Variants in IREB2 observed in about 807,000 individuals in gnomAD.
IREB2 encodes iron responsive element binding protein 2.
A neutral mutation model predicts 118.8 loss-of-function variants in IREB2; 39 were observed. The ratio of observed to expected loss-of-function variants is 0.33; its 90% confidence interval spans 0.25 to 0.43. IREB2 has a LOEUF of 0.43. Ranked by LOEUF, IREB2 falls within the 20% of genes least tolerant of loss-of-function variation. The pLI, the probability that IREB2 is intolerant of heterozygous loss-of-function variation, is 1.00. For missense variants in IREB2, 900 were observed against 1,147.3 expected (o/e 0.78, Z 3.11); for synonymous variants, 372 against 392.2 (o/e 0.95, Z 0.61).
intron 1 of IREB2, 33 bp downstream of exon 1, chr15:78,438,389 G>T (rs1422217377): frequency 3.1e-6 from 5 of 1,590,678 alleles, no homozygotes; most frequent in Non-Finnish European, 4.3e-6. Flanking sequence ...GGGTCTGGCA[G>T]TTGGAAACGC....
At chr15:78,443,535 G>A (rs979730900) in intron 2 of IREB2, among the ~76,000 whole-genome samples, 1 of 152,076 alleles carries the variant, frequency 6.6e-6, no homozygotes, top group African/African-American at 2.4e-5. Context: ...GTATCTCTAT[G>A]GAAGTGGGCA....
intron 3 of IREB2, among the ~76,000 whole-genome samples, chr15:78,464,228 C>A (rs2051244319): frequency 6.6e-6 from 1 of 152,142 alleles, no homozygotes; most frequent in African/African-American, 2.4e-5. Context: ...TCGTATTATC[C>A]CTCCATATAC....
intron 18 of IREB2, 62 bp from the exon 19 acceptor site, chr15:78,493,847 C>T (rs1489925368): frequency 3.3e-6 from 5 of 1,517,282 alleles, no homozygotes; most frequent in Non-Finnish European, 4.5e-6. Context: ...GGTCTTACAG[C>T]TCAATAGTAT....
chr15:78,474,694 G>A (rs1467140523), intron 8 of IREB2: 1 of 152,024 alleles, frequency 6.6e-6, no homozygotes, highest in Non-Finnish European at 1.5e-5. Context: ...GAATAATCCT[G>A]TATTGTTTTT....
At chr15:78,458,417 C>T (rs1307712406) in intron 2 of IREB2, among the ~76,000 whole-genome samples, 1 of 152,080 alleles carries the variant, frequency 6.6e-6, no homozygotes, top group Non-Finnish European at 1.5e-5. Flanking sequence ...AATCTCTATA[C>T]CTTCCTCTCA....
intron 2 of IREB2, among the ~76,000 whole-genome samples, chr15:78,445,787 G>C (rs910921960): frequency 6.6e-6 from 1 of 151,738 alleles, no homozygotes; most frequent in Non-Finnish European, 1.5e-5. Context: ...GTTTTGTTTT[G>C]TTTGTTTTGT....
At chr15:78,482,964 C>T (rs1160007620) in intron 10 of IREB2, among the ~76,000 whole-genome samples, 4 of 152,150 alleles carry the variant, frequency 2.6e-5, no homozygotes, top group African/African-American at 9.7e-5. Flanking sequence ...TGGTCTTGAT[C>T]TCCTGACCTC....
Position 78,470,585 on chromosome 15 carries a change from G to A in IREB2, c.683G>A (p.Arg228Lys). 6.3e-7 allele frequency: 1 copy of A among 1,586,100 alleles called. No homozygotes were observed. Among genetic ancestry groups the A allele is most frequent in the South Asian group, 1.2e-5 (1 of 86,730 alleles). Residue 228 changes from arginine to lysine, a missense_variant, in exon 6 of 22, where the codon AGG (arginine) becomes AAG (lysine). Arg to Lys is a conservative substitution (Grantham distance 26). Transcript: ENST00000258886. ...QEVEFGRNRE[R>K]LQFFKWSSRV... ...GTAGAATTCGGCAGAAATCGAGAGA[G>A]GCTTCAGTTTTTTAAGGTATAAATG...
chr15:78,488,574 A>G, intron 15 of IREB2, 73 bp from the exon 16 acceptor site: 1 of 1,393,906 alleles, frequency 7.2e-7, no homozygotes, highest in Non-Finnish European at 9.7e-7. Flanking sequence ...TTTCCATGAT[A>G]TGTCTTTGAA....
At chr15:78,475,933 T>G in intron 8 of IREB2, 1 of 284,468 alleles carries the variant, frequency 3.5e-6, no homozygotes, top group East Asian at 5.9e-5. Context: ...GACATGAAAA[T>G]GTTAATTATA....
chr15:78,466,196 T>C (rs1444917024), intron 4 of IREB2, 75 bp from the exon 5 acceptor site: 2 of 894,248 alleles, frequency 2.2e-6, no homozygotes, highest in Non-Finnish European at 3.5e-6. Context: ...GCGTTGCTAA[T>C]GTGCGTTTTT....
At chr15:78,485,913 TCATATA>T in intron 13 of IREB2, 73 bp downstream of exon 13, 1 of 1,257,374 alleles carries the variant, frequency 8.0e-7, no homozygotes, top group Non-Finnish European at 1.1e-6. Flanking sequence ...TTTGTGCCTT[TCATATA>T]CAAAGAGAAG....
intron 2 of IREB2, among the ~76,000 whole-genome samples, chr15:78,448,921 C>T (rs1251802026): frequency 6.6e-6 from 1 of 152,188 alleles, no homozygotes; most frequent in African/African-American, 2.4e-5. Flanking sequence ...TACTAATATT[C>T]CCTATGGGTA....
intron 7 of IREB2, among the ~76,000 whole-genome samples, chr15:78,472,773 A>G (rs891639436): frequency 6.6e-6 from 1 of 152,192 alleles, no homozygotes; most frequent in Non-Finnish European, 1.5e-5. Flanking sequence ...TAACTCATCC[A>G]AGACTGGCCT....
chr15:78,476,971 A>C (rs971989394), intron 9 of IREB2, among the ~76,000 whole-genome samples: 2 of 152,208 alleles, frequency 1.3e-5, no homozygotes, highest in African/African-American at 4.8e-5. Context: ...TTAATGAGGT[A>C]ATCATTGCTG....
Position 78,499,741 on chromosome 15 carries a change from T to C in IREB2, c.*1598T>C, listed in dbSNP as rs2051907306. ...ATTTATTTGTTAGTGCATGTGTTTT[T>C]AATTTACATGAAAACATGAGTTAGG... On this transcript the variant is annotated 3_prime_UTR_variant, in exon 22 of 22. Coordinates refer to ENST00000258886, the MANE Select transcript of IREB2 (RefSeq NM_004136.4). 6.6e-6 allele frequency: 1 copy of C among 152,276 alleles called. No homozygotes were observed. The highest frequency in any genetic ancestry group is 1.5e-5 in the Non-Finnish European group (1 of 68,048). 9.4% of individuals were successfully genotyped at this position (152,276 alleles called of 1,614,324 possible).
intron 2 of IREB2, among the ~76,000 whole-genome samples, chr15:78,445,025 T>C (rs2141448176): frequency 6.6e-6 from 1 of 152,368 alleles, no homozygotes; most frequent in African/African-American, 2.4e-5. Flanking sequence ...TACATTTTTG[T>C]GCAAACTTAT....
intron 2 of IREB2, among the ~76,000 whole-genome samples, chr15:78,442,853 A>G (rs576095049): frequency 1.3e-5 from 2 of 152,240 alleles, no homozygotes; most frequent in African/African-American, 2.4e-5. Context: ...GAATTTGTAC[A>G]TAACTGTACA....
At chr15:78,488,983 G>A (rs1297615183) in intron 16 of IREB2, among the ~76,000 whole-genome samples, 1 of 152,182 alleles carries the variant, frequency 6.6e-6, no homozygotes, top group African/African-American at 2.4e-5. Flanking sequence ...ACTTTGGGAG[G>A]CTGAAGCAGG....
Sources: allele counts gnomAD v4.1 joint callset (sites outside exome capture counted in the v4.1 genomes callset), GRCh38; gene constraint gnomAD v4.1.1; transcripts MANE v1.5; gene names NCBI Gene and HGNC (gene_info 2026-07-23, HGNC 2026-07-21).